ZC3H12B: variants seen among roughly 807,000 people sequenced by gnomAD.
ZC3H12B encodes probable ribonuclease ZC3H12B.
Under a neutral mutation model 43.9 loss-of-function variants are expected in ZC3H12B, and 7 were observed. That is an observed-to-expected ratio of 0.16 (90% CI 0.09 to 0.30). The LOEUF (loss-of-function observed/expected upper bound fraction) is 0.30, where lower values mean the gene tolerates loss of function less well. ZC3H12B is among the 10% of genes least tolerant of loss of function. The probability of loss-of-function intolerance (pLI) is 1.00; values close to 1 mark genes in which losing one functional copy is unlikely to be tolerated. For missense variants in ZC3H12B, 475 were observed against 670.2 expected (o/e 0.71, Z 3.22); for synonymous variants, 222 against 241.7 (o/e 0.92, Z 0.76).
At chrX:65,194,325 C>A in the ZC3H12B span, among the ~76,000 whole-genome samples, 2 of 108,126 alleles carry the variant, frequency 1.8e-5, no homozygotes, top group African/African-American at 6.7e-5. Flanking sequence ...AGCACTCCAG[C>A]ATGGCACATG....
chrX:65,227,972 C>A, the ZC3H12B span, among the ~76,000 whole-genome samples: 1 of 111,623 alleles, frequency 9.0e-6, no homozygotes, highest in African/African-American at 3.3e-5. Context: ...GAACTGGTAC[C>A]ATTCCTTCTG....
At chrX:65,178,767 G>C in the ZC3H12B span, among the ~76,000 whole-genome samples, 12 of 112,152 alleles carry the variant, frequency 1.1e-4, no homozygotes, top group African/African-American at 3.9e-4. Context: ...AACAACAGAT[G>C]CTGGAGAGGA....
At chrX:65,079,316 T>A in the ZC3H12B span, among the ~76,000 whole-genome samples, 1 of 112,684 alleles carries the variant, frequency 8.9e-6, no homozygotes, top group South Asian at 3.7e-4. Context: ...AAGGGAAGGA[T>A]GCAGGCCTGG....
chrX:65,479,429 G>A (rs983378965), intron 3 of ZC3H12B, among the ~76,000 whole-genome samples: 7 of 106,595 alleles, frequency 6.6e-5, no homozygotes, highest in South Asian at 4.2e-4. Flanking sequence ...GTGCAATGGC[G>A]CAGTCTCAGC....
intron 3 of ZC3H12B, among the ~76,000 whole-genome samples, chrX:65,413,041 C>A (rs1399326656): frequency 9.0e-6 from 1 of 111,196 alleles, no homozygotes; most frequent in East Asian, 2.8e-4. Context: ...TCCCTAATGA[C>A]TAATGATGTT....
Position 65,494,551 on chromosome X carries a change from C to T in ZC3H12B, c.609-2581C>T, listed in dbSNP as rs888648063. Reference sequence around the variant, plus strand: ...TAATCCCGGCACTTTAGGAGGCTGACGCTGGCGGATCACAAGTTCAGGAGT... The same window carrying T: ...TAATCCCGGCACTTTAGGAGGCTGATGCTGGCGGATCACAAGTTCAGGAGT... On this transcript the variant is annotated intron_variant, in intron 1 of 4. Coordinates refer to ENST00000338957, the Ensembl canonical transcript of ZC3H12B. Among the ~76,000 whole-genome samples the T allele has an allele frequency of 2.7e-5, 3 of 110,879 alleles. No individual in the cohort carries two copies. The Admixed American group carries it at 2.9e-4, about 11-fold the overall frequency.
At chrX:65,194,917 G>A in the ZC3H12B span, among the ~76,000 whole-genome samples, 2 of 111,728 alleles carry the variant, frequency 1.8e-5, no homozygotes, top group African/African-American at 6.5e-5. Context: ...TCATTATATA[G>A]TGACCGTCTT....
intron 3 of ZC3H12B, among the ~76,000 whole-genome samples, chrX:65,477,545 T>A (rs1374773710): frequency 9.0e-6 from 1 of 111,684 alleles, no homozygotes; most frequent in Non-Finnish European, 1.9e-5. Flanking sequence ...ACACCTGTAA[T>A]CCCAGCACTT....
At chrX:65,148,500 A>T in the ZC3H12B span, among the ~76,000 whole-genome samples, 1 of 110,862 alleles carries the variant, frequency 9.0e-6, no homozygotes, top group Admixed American at 9.5e-5. Flanking sequence ...GCGTCTGGAG[A>T]CCAGGTTGGG....
the ZC3H12B span, among the ~76,000 whole-genome samples, chrX:65,242,008 G>T: frequency 1.8e-5 from 2 of 111,548 alleles, no homozygotes; most frequent in Admixed American, 9.5e-5. Flanking sequence ...TTCACGAAGG[G>T]ATCTCCTTAT....
chrX:65,189,786 A>T, the ZC3H12B span, among the ~76,000 whole-genome samples: 5 of 111,077 alleles, frequency 4.5e-5, no homozygotes, highest in Non-Finnish European at 7.5e-5. Flanking sequence ...TGCTATGCAG[A>T]AGCTCTTTTG....
chrX:65,063,501 G>A, the ZC3H12B span, among the ~76,000 whole-genome samples: 11 of 112,273 alleles, frequency 9.8e-5, no homozygotes, highest in Non-Finnish European at 1.5e-4. Flanking sequence ...TGCATCCTGG[G>A]GATGAAGCCA....
chrX:65,276,233 G>A, the ZC3H12B span, among the ~76,000 whole-genome samples: 1 of 111,223 alleles, frequency 9.0e-6, no homozygotes, highest in South Asian at 3.7e-4. Flanking sequence ...TTGTATTATG[G>A]GTGTTTCAGA....
the ZC3H12B span, among the ~76,000 whole-genome samples, chrX:65,134,936 C>A: frequency 9.0e-6 from 1 of 110,797 alleles, no homozygotes; most frequent in African/African-American, 3.3e-5. Flanking sequence ...AGTGGGGGAG[C>A]TTCTGAGACA....
At chrX:65,472,988 ATATATATATG>A (rs1289167482) in intron 3 of ZC3H12B, among the ~76,000 whole-genome samples, 1 of 78,672 alleles carries the variant, frequency 1.3e-5, no homozygotes, top group African/African-American at 9.2e-5. Flanking sequence ...ATATATATAT[ATATATATATG>A]TATATATATA....
the ZC3H12B span, among the ~76,000 whole-genome samples, chrX:65,247,726 TTGG>T: frequency 9.0e-6 from 1 of 111,401 alleles, no homozygotes; most frequent in Non-Finnish European, 1.9e-5. Flanking sequence ...CTGGGGACTG[TTGG>T]TGGGGAGGAG....
At chrX:65,400,309 A>G (rs1227348243) in intron 3 of ZC3H12B, among the ~76,000 whole-genome samples, 1 of 111,508 alleles carries the variant, frequency 9.0e-6, no homozygotes, top group Non-Finnish European at 1.9e-5. Context: ...TAGACAACTC[A>G]GAGAATTTTA....
the ZC3H12B span, among the ~76,000 whole-genome samples, chrX:65,162,568 A>C: frequency 8.9e-6 from 1 of 111,774 alleles, no homozygotes; most frequent in Non-Finnish European, 1.9e-5. Context: ...TCGGCTCCTG[A>C]GGCTTCTGCA....
At chrX:65,302,777 C>G in the ZC3H12B span, among the ~76,000 whole-genome samples, 1 of 111,883 alleles carries the variant, frequency 8.9e-6, no homozygotes, top group African/African-American at 3.2e-5. Context: ...CTACAGTAAT[C>G]AAGGCAGTAC....
Sources: gnomAD v4.1 joint callset for allele counts (sites outside exome capture counted in the v4.1 genomes callset) on GRCh38, gnomAD v4.1.1 for gene constraint, MANE v1.5 for transcripts, NCBI Gene and HGNC (gene_info 2026-07-23, HGNC 2026-07-21) for gene names.